Variants in ADAMTS12 observed in about 807,000 individuals in gnomAD.
ADAMTS12 encodes A disintegrin and metalloproteinase with thrombospondin motifs 12.
ADAMTS12 carries 118 observed loss-of-function variants against 167.8 expected under a neutral mutation model. The ratio of observed to expected loss-of-function variants is 0.70; its 90% CI spans 0.61 to 0.82. The LOEUF is 0.82. Ranked by LOEUF, ADAMTS12 falls within the 40% of genes least tolerant of loss-of-function variation. ADAMTS12 has a pLI of 0.00. For missense variants in ADAMTS12, 1,916 were observed against 1,998.8 expected, an observed-to-expected ratio of 0.96 and a Z score of 0.79; for synonymous variants, 704 against 716.9, an observed-to-expected ratio of 0.98 and a Z score of 0.29.
Position 33,807,474 on chromosome 5 carries a change from C to G in ADAMTS12, c.490-55926G>C, listed in dbSNP as rs35418755. ...TTCCTCATCTATAAAATAATGTTAGCGCCTATATCATTGGGTACCTGTGAG... is the reference window on the plus strand; with the variant it reads ...TTCCTCATCTATAAAATAATGTTAGGGCCTATATCATTGGGTACCTGTGAG... On this transcript the variant is annotated intron_variant, in intron 2 of 23. Coordinates refer to ENST00000504830, the MANE Select transcript of ADAMTS12 (RefSeq NM_030955.4). Among the ~76,000 whole-genome samples, 14 of 152,122 alleles carry G rather than the reference C, an allele frequency of 9.2e-5. No individual in the cohort carries two copies. The East Asian group carries it at 2.5e-3, about 27-fold the overall frequency.
chr5:33,648,090 A>G (rs1740743698), intron 9 of ADAMTS12, among the ~76,000 whole-genome samples: 1 of 152,264 alleles, frequency 6.6e-6, no homozygotes, highest in South Asian at 2.1e-4. Context: ...TAACACAGAT[A>G]CTTTTGCATT....
intron 22 of ADAMTS12, among the ~76,000 whole-genome samples, chr5:33,539,866 A>T (rs1362232225): frequency 7.6e-6 from 1 of 131,036 alleles, no homozygotes; most frequent in Non-Finnish European, 1.7e-5. Context: ...TCTGGTCTGC[A>T]GCTCCCAGCG....
At chr5:33,667,325 A>G (rs1300037917) in intron 5 of ADAMTS12, among the ~76,000 whole-genome samples, 3 of 151,512 alleles carry the variant, frequency 2.0e-5, no homozygotes, top group African/African-American at 7.3e-5. Flanking sequence ...CTCAAAAAAA[A>G]AAAAAAAAAA....
At chr5:33,632,396 A>AAAACAAACAAAC (rs70964407) in intron 12 of ADAMTS12, among the ~76,000 whole-genome samples, 40,837 of 151,064 alleles carry the variant, frequency 0.27, 5,669 homozygotes, top group Non-Finnish European at 0.29. Context: ...CCTGAATCCA[A>AAAACAAACAAAC]AAACAAACAA....
At chr5:33,770,794 TCTC>T (rs912943285) in intron 2 of ADAMTS12, among the ~76,000 whole-genome samples, 13 of 148,254 alleles carry the variant, frequency 8.8e-5, no homozygotes, top group South Asian at 2.1e-4. Context: ...TTCTTCTCCT[TCTC>T]CTCCTTCTTC....
intron 2 of ADAMTS12, among the ~76,000 whole-genome samples, chr5:33,761,717 T>C (rs540252150): frequency 6.6e-6 from 1 of 152,302 alleles, no homozygotes; most frequent in African/African-American, 2.4e-5. Flanking sequence ...CAAAATAAAT[T>C]CATTTTAGTT....
At chr5:33,689,131 C>G (rs1742457737) in intron 3 of ADAMTS12, among the ~76,000 whole-genome samples, 1 of 152,202 alleles carries the variant, frequency 6.6e-6, no homozygotes, top group African/African-American at 2.4e-5. Context: ...CAGTGCCTAT[C>G]AAGAGCCCAA....
At chr5:33,553,037 A>G (rs1218473727) in intron 20 of ADAMTS12, among the ~76,000 whole-genome samples, 3 of 152,212 alleles carry the variant, frequency 2.0e-5, no homozygotes, top group African/African-American at 4.8e-5. Flanking sequence ...AAACAACCAT[A>G]TAAAAAAGTG....
At chr5:33,580,968 A>ATGGCAAT (rs1747034030) in intron 18 of ADAMTS12, among the ~76,000 whole-genome samples, 1 of 152,106 alleles carries the variant, frequency 6.6e-6, no homozygotes, top group Admixed American at 6.6e-5. Context: ...CTTCCAAATA[A>ATGGCAAT]CCCAGGATTG....
chr5:33,823,504 C>T (rs1048009342), intron 2 of ADAMTS12, among the ~76,000 whole-genome samples: 2 of 152,034 alleles, frequency 1.3e-5, no homozygotes, highest in African/African-American at 4.8e-5. Context: ...TGGTGACTAC[C>T]ACATGTTGGT....
chr5:33,766,567 A>G (rs1037571940), intron 2 of ADAMTS12, among the ~76,000 whole-genome samples: 5 of 152,170 alleles, frequency 3.3e-5, no homozygotes, highest in Non-Finnish European at 7.4e-5. Flanking sequence ...ATTTAATATC[A>G]TAAGATGTTA....
chr5:33,658,099 T>C (rs1741125184), intron 7 of ADAMTS12, 85 bp downstream of exon 7: 1 of 1,530,100 alleles, frequency 6.5e-7, no homozygotes, highest in Non-Finnish European at 8.9e-7. Context: ...TGACCCCCAA[T>C]TTGAGGTGTG....
At chr5:33,880,881 G>C (rs568771256) in intron 2 of ADAMTS12, 23 of 500,720 alleles carry the variant, frequency 4.6e-5, no homozygotes, top group African/African-American at 4.4e-4. Flanking sequence ...GATGTTGCTG[G>C]TTGGAGTTCT....
At chr5:33,736,913 A>G (rs1744395447) in intron 3 of ADAMTS12, among the ~76,000 whole-genome samples, 1 of 152,210 alleles carries the variant, frequency 6.6e-6, no homozygotes, top group African/African-American at 2.4e-5. Flanking sequence ...CATCTTCCCC[A>G]TGAGTTCAGT....
At chr5:33,564,117 G>A (rs577116506) in intron 19 of ADAMTS12, among the ~76,000 whole-genome samples, 6 of 152,334 alleles carry the variant, frequency 3.9e-5, no homozygotes, top group African/African-American at 7.2e-5. Flanking sequence ...CAGAAGGCAG[G>A]AGGACATTGC....
chr5:33,623,226 C>T (rs1368121025), intron 14 of ADAMTS12, among the ~76,000 whole-genome samples: 1 of 152,152 alleles, frequency 6.6e-6, no homozygotes, highest in Non-Finnish European at 1.5e-5. Context: ...TCCTGGGCAT[C>T]AACCCTGTGT....
At chr5:33,872,546 G>GAAAAAAAAA (rs61345844) in intron 2 of ADAMTS12, among the ~76,000 whole-genome samples, 1 of 141,898 alleles carries the variant, frequency 7.0e-6, no homozygotes, top group East Asian at 2.1e-4. Flanking sequence ...GACTTCATCT[G>GAAAAAAAAA]AAAAAAAAAA....
At chr5:33,556,487 C>T (rs929852891) in intron 20 of ADAMTS12, among the ~76,000 whole-genome samples, 28 of 152,174 alleles carry the variant, frequency 1.8e-4, no homozygotes, top group Admixed American at 1.7e-3. Flanking sequence ...AGGAACATGG[C>T]TGTGCTTTGG....
At chr5:33,536,510 T>G (rs891521797) in intron 22 of ADAMTS12, among the ~76,000 whole-genome samples, 1 of 152,238 alleles carries the variant, frequency 6.6e-6, no homozygotes, top group Non-Finnish European at 1.5e-5. Context: ...TAGTGTTTTA[T>G]GCCTTCTGCC....
Sources: allele counts gnomAD v4.1 joint callset (sites outside exome capture counted in the v4.1 genomes callset), GRCh38; gene constraint gnomAD v4.1.1; transcripts MANE v1.5; gene names NCBI Gene and HGNC (gene_info 2026-07-23, HGNC 2026-07-21).